The following NUDT17 variants were observed in gnomAD, a reference collection of about 807,000 sequenced individuals.
NUDT17 encodes m7GpppN-mRNA hydrolase NUDT17.
NUDT17 carries 38 observed loss-of-function variants against 38.6 expected under a neutral mutation model. The observed-to-expected ratio is 0.98, with a 90% CI of 0.76 to 1.29. NUDT17 has a LOEUF of 1.29. Ranked by LOEUF, NUDT17 falls within the 50% of genes most tolerant of loss-of-function variation. The probability of loss-of-function intolerance (pLI) is 0.00; values close to 1 mark genes in which losing one functional copy is unlikely to be tolerated. For missense variants in NUDT17, 462 were observed against 415.2 expected, an observed-to-expected ratio of 1.11 and a Z score of -0.98; for synonymous variants, 192 against 167.8, an observed-to-expected ratio of 1.14 and a Z score of -1.11.
intron 4 of NUDT17, 50 bp downstream of exon 4, chr1:145,846,740 C>A (rs369603660): frequency 2.3e-6 from 3 of 1,282,132 alleles, no homozygotes; most frequent in African/African-American, 1.5e-5. Context: ...CCCCTACCTG[C>A]CTTGGCTACA....
At chr1:145,848,039 C>A in intron 6 of NUDT17, 73 bp from the exon 7 acceptor site, 1 of 1,562,734 alleles carries the variant, frequency 6.4e-7, no homozygotes, top group Non-Finnish European at 8.8e-7. Flanking sequence ...TGGGAGGATT[C>A]GGGGACCTAA....
At chr1:145,847,781 CG>C in intron 6 of NUDT17, 62 bp downstream of exon 6, 1 of 1,550,466 alleles carries the variant, frequency 6.4e-7, no homozygotes, top group South Asian at 1.1e-5. Context: ...AGAAGTTCAG[CG>C]TCTATCCTGT....
At chr1:145,847,428 CG>C (rs782005996) in intron 5 of NUDT17, 80 bp downstream of exon 5, 6 of 527,264 alleles carry the variant, frequency 1.1e-5, no homozygotes, top group Middle Eastern at 5.0e-4. Context: ...AGGAGCTGGG[CG>C]GGGGTGGCGG....
Position 145,848,137 on chromosome 1 carries a change from A to G in NUDT17, c.757A>G (p.Arg253Gly). ...TGCAGTGGAACTAGAGGAGGATGGA[A>G]GAGCCCGACCTCTGGTCCTGCACAT... ...VLAVELEEDG[R>G]ARPLVLHMST... The change falls in exon 7 of 8, where the codon AGA becomes GGA. Residue 253 changes from arginine (R) to glycine (G), a missense_variant. Arg to Gly is a moderately radical substitution (Grantham distance 125). Transcript: ENST00000334513. The G allele has an allele frequency of 6.2e-7, 1 of 1,613,908 alleles. No individual in the cohort carries two copies. Among genetic ancestry groups the G allele is most frequent in the South Asian group, 1.1e-5 (1 of 91,068 alleles).
chr1:145,848,252 A>C lies in NUDT17; in HGVS notation c.872A>C (p.Gln291Pro). The C allele has an allele frequency of 6.2e-7, 1 of 1,614,228 alleles. No homozygotes were observed. The highest frequency in any genetic ancestry group is 8.5e-7 in the Non-Finnish European group (1 of 1,180,034). ...AAGTTTGCCCTCAAGCTCTGGCTGCAACATCTGGGCAGGTAAAAGTGAAAA... is the reference window on the plus strand; with the variant it reads ...AAGTTTGCCCTCAAGCTCTGGCTGCCACATCTGGGCAGGTAAAAGTGAAAA... Reference protein sequence around the residue: ...GTKFALKLWLQHLGRTPPPCK... With the variant: ...GTKFALKLWLPHLGRTPPPCK... The change falls in exon 7 of 8, where the codon CAA becomes CCA. Residue 291 changes from glutamine (Q) to proline (P), a missense_variant. By Grantham distance (76) the Gln-to-Pro change is moderately conservative. Transcript: ENST00000334513.
At chr1:145,846,784 C>T (rs1652712987) in intron 4 of NUDT17, 94 bp downstream of exon 4, 1 of 873,440 alleles carries the variant, frequency 1.1e-6, no homozygotes. Flanking sequence ...GGCTGGAATC[C>T]CCAAATCCAT....
rs782795924 is a variant in NUDT17, at chr1:145,847,293, A to G, written c.539A>G (p.His180Arg). Residue 180 changes from histidine to arginine, a missense_variant, in exon 5 of 8, where the codon CAT becomes CGT. Coordinates refer to ENST00000334513, the MANE Select transcript of NUDT17 (RefSeq NM_001012758.3). ...PRLSWGLPKY[H>R]HIVLYLLVIS... ...CTGAGCTGGGGTTTACCCAAATACC[A>G]TCACATTGTTCTGTATCTACTCGTG... 6.2e-7 allele frequency: 1 copy of G among 1,611,738 alleles called. No individual in the cohort carries two copies. The highest frequency in any genetic ancestry group is 8.5e-7 in the Non-Finnish European group (1 of 1,179,004).
At chr1:145,848,057 G>T in intron 6 of NUDT17, 55 bp from the exon 7 acceptor site, 1 of 1,605,004 alleles carries the variant, frequency 6.2e-7, no homozygotes, top group Non-Finnish European at 8.5e-7. Flanking sequence ...TAACATATAT[G>T]TAAGTTCTTT....
At chr1:145,847,531 C>G in intron 5 of NUDT17, 52 bp from the exon 6 acceptor site, 10 of 1,603,078 alleles carry the variant, frequency 6.2e-6, no homozygotes, top group Non-Finnish European at 8.5e-6. Context: ...TGATCACGAA[C>G]AGGCAGCCCA....
At position 145,846,652 on chromosome 1, in the gene NUDT17, C is replaced by G. The variant is rs1652700024; in HGVS notation, c.457C>G (p.Gln153Glu). 1 of 1,614,128 alleles carries G rather than the reference C, an allele frequency of 6.2e-7. No individual in the cohort carries two copies. Among genetic ancestry groups the G allele is most frequent in the South Asian group, 1.1e-5 (1 of 91,084 alleles). ...LWEESGLHLP[Q>E]GQFSWVPLGL... Reference sequence around the variant, plus strand: ...GGAGGAGAGTGGACTACACCTGCCCCAGGGCCAGTTCTCTTGGGTCCCTCT... The same window carrying G: ...GGAGGAGAGTGGACTACACCTGCCCGAGGGCCAGTTCTCTTGGGTCCCTCT... The change falls in exon 4 of 8, where the codon CAG becomes GAG. Residue 153 changes from glutamine to glutamate, a missense_variant. Physicochemically the swap from Gln to Glu is conservative, Grantham distance 29. Transcript: ENST00000334513.
At chr1:145,848,089 C>A in intron 6 of NUDT17, 23 bp from the exon 7 acceptor site, 1 of 1,612,466 alleles carries the variant, frequency 6.2e-7, no homozygotes, top group South Asian at 1.1e-5. Flanking sequence ...GGCACAGCCC[C>A]AACAGGAGTT....
At position 145,848,649 on chromosome 1, in the gene NUDT17, C is replaced by T. The variant is rs1652830586; in HGVS notation, c.*170C>T. ...AAGATTGGGAAGGAGGGCACAGGGTCCTTCCACCTCCCTGGAAAGGTGCAG... is the reference window on the plus strand; with the variant it reads ...AAGATTGGGAAGGAGGGCACAGGGTTCTTCCACCTCCCTGGAAAGGTGCAG... On this transcript the variant is annotated 3_prime_UTR_variant, in exon 8 of 8. Coordinates refer to ENST00000334513, the MANE Select transcript of NUDT17 (RefSeq NM_001012758.3). 1 of 596,634 alleles carries T rather than the reference C, an allele frequency of 1.7e-6. No homozygotes were observed. Among genetic ancestry groups the T allele is most frequent in the East Asian group, 2.8e-5 (1 of 35,464 alleles). The allele number at this position is 596,634 out of a possible 1,614,324, so 37.0% of individuals were successfully genotyped here. A position where few individuals can be genotyped will look rare whatever the true frequency, so the allele number is the denominator to read the frequency against.
At position 145,846,274 on chromosome 1, in the gene NUDT17, CAGAA is replaced by C. The variant is rs1363718998; in HGVS notation, c.376+79_376+82del. On this transcript the variant is annotated intron_variant, in intron 2 of 7. Transcript: ENST00000334513. Reference sequence around the variant, plus strand: ...CCCGCAACAATGTTTTTCCCAGTCTCAGAAGGATAAAGTGGGCCCCAAAATGTGG... The same window carrying C: ...CCCGCAACAATGTTTTTCCCAGTCTCGGATAAAGTGGGCCCCAAAATGTGG... 4.0e-6 allele frequency: 6 copies of C among 1,503,360 alleles called. No individual in the cohort carries two copies. The African/African-American group carries it at 4.1e-5, about 10-fold the overall frequency. The allele number at this position is 1,503,360 out of a possible 1,614,324, so 93.1% of individuals were successfully genotyped here.
intron 2 of NUDT17, 87 bp downstream of exon 2, chr1:145,846,283 A>G (rs1553732472): frequency 6.7e-7 from 1 of 1,483,272 alleles, no homozygotes; most frequent in Admixed American, 1.9e-5. Flanking sequence ...TCAGAAGGAT[A>G]AAGTGGGCCC....
At position 145,847,678 on chromosome 1, in the gene NUDT17, G is replaced by A; in HGVS notation, c.690G>A (p.Glu230=). ...AAVAAAEDGT[E]TPGLLPQDLP... ...TGGCTGCCGCAGAGGATGGGACAGA[G>A]ACACCCGGACTTCTCCCCCAGGACC... is the stretch of plus-strand genomic sequence containing the variant. Residue 230 remains glutamate (E), a synonymous_variant, in exon 6 of 8, where the codon GAG becomes GAA. Coordinates refer to ENST00000334513, the MANE Select transcript of NUDT17 (RefSeq NM_001012758.3). The A allele has an allele frequency of 3.7e-6, 6 of 1,614,092 alleles. No homozygotes were observed. Among genetic ancestry groups the A allele is most frequent in the Non-Finnish European group, 5.1e-6 (6 of 1,180,012 alleles).
At position 145,848,283 on chromosome 1, in the gene NUDT17, T is replaced by C. The variant is rs1652810244; in HGVS notation, c.884+19T>C. ...TGGGCAGGTAAAAGTGAAAAAGGAC[T>C]GGAGAGCTCCACAGTACTGGGCTGG... On this transcript the variant is annotated intron_variant, in intron 7 of 7. Transcript: ENST00000334513. The C allele has an allele frequency of 6.2e-7, 1 of 1,614,064 alleles. No individual in the cohort carries two copies. Among genetic ancestry groups the C allele is most frequent in the Non-Finnish European group, 8.5e-7 (1 of 1,179,918 alleles).
rs77790614 is a variant in NUDT17 at position 145,846,163 on chromosome 1, C to T, written c.343C>T (p.Leu115=). Reference sequence around the variant, plus strand: ...CTTGCTAACCCGAAGGGCACGCACCCTGAGCGTTTCCCCCAACCTCTGGGT... The same window carrying T: ...CTTGCTAACCCGAAGGGCACGCACCTTGAGCGTTTCCCCCAACCTCTGGGT... ...TVLLTRRART[L]SVSPNLWVPP... Residue 115 remains leucine (L), a synonymous_variant, in exon 2 of 8, where the codon CTG becomes TTG. Transcript: ENST00000334513. 2.5e-3 allele frequency: 3,926 copies of T among 1,594,806 alleles called. 185 individuals carry two copies. In the East Asian group the frequency reaches 0.077, roughly 31 times the overall value.
At position 145,846,196 on chromosome 1, in the gene NUDT17, G is replaced by A; in HGVS notation, c.376G>A (p.Gly126Ser). Reference sequence around the variant, plus strand: ...TTCCCCCAACCTCTGGGTACCCCCGGGTGAGTATTCTGGGGACAAGGCCCC... The same window carrying A: ...TTCCCCCAACCTCTGGGTACCCCCGAGTGAGTATTCTGGGGACAAGGCCCC... Reference protein sequence around the residue: ...SVSPNLWVPPGGHVELEEELL... With the variant: ...SVSPNLWVPPSGHVELEEELL... Residue 126 changes from glycine (G) to serine (S), a missense_variant and splice_region_variant, in exon 2 of 8, where the codon GGT (glycine) becomes AGT (serine). By Grantham distance (56) the Gly-to-Ser change is moderately conservative. Coordinates refer to ENST00000334513, the MANE Select transcript of NUDT17 (RefSeq NM_001012758.3). 4.4e-6 allele frequency: 7 copies of A among 1,582,180 alleles called. No homozygotes were observed. Among genetic ancestry groups the A allele is most frequent in the Non-Finnish European group, 6.0e-6 (7 of 1,163,994 alleles).
intron 3 of NUDT17, 62 bp downstream of exon 3, chr1:145,846,520 G>A: frequency 6.2e-7 from 1 of 1,605,628 alleles, no homozygotes; most frequent in Non-Finnish European, 8.5e-7. Context: ...TCTTGGGTGT[G>A]GGCTGAGGGA....
Sources: gnomAD v4.1 joint callset for allele counts on GRCh38, gnomAD v4.1.1 for gene constraint, MANE v1.5 for transcripts, NCBI Gene and HGNC (gene_info 2026-07-23, HGNC 2026-07-21) for gene names.